CYP7B1: variants seen among roughly 807,000 people sequenced by gnomAD.
The protein encoded by CYP7B1 is cytochrome P450 7B1.
A neutral mutation model predicts 42.7 loss-of-function variants in CYP7B1; 29 were observed. The ratio of observed to expected loss-of-function variants is 0.68; its 90% CI spans 0.51 to 0.93. The LOEUF (loss-of-function observed/expected upper bound fraction) is 0.93. CYP7B1 is among the 40% of genes least tolerant of loss of function. The pLI is 0.00. For synonymous variants in CYP7B1, 235 were observed against 218.2 expected (o/e 1.08, Z -0.68); for missense variants, 655 against 600.5 (o/e 1.09, Z -0.95).
chr8:64,609,097 T>C (rs1170125756), intron 4 of CYP7B1, among the ~76,000 whole-genome samples: 1 of 152,180 alleles, frequency 6.6e-6, no homozygotes, highest in African/African-American at 2.4e-5. Context: ...GGAAAATACA[T>C]ATAAACAGGA....
In CYP7B1 at chr8:64,593,594, C is replaced by G. The variant is rs1432939498; in HGVS notation, c.*3048G>C. Among the ~76,000 whole-genome samples the G allele has an allele frequency of 6.6e-6, 1 of 152,084 alleles. No homozygotes were observed. Among genetic ancestry groups the G allele is most frequent in the Non-Finnish European group, 1.5e-5 (1 of 68,020 alleles). The stretch of plus-strand genomic sequence containing the variant: ...TGAGTTTGGTAGTAGTATCAGCAGT[C>G]TGAAAAATGCAAATACAAATTCTCT... On this transcript the variant is annotated 3_prime_UTR_variant, in exon 6 of 6. Coordinates refer to ENST00000310193, the MANE Select transcript of CYP7B1 (RefSeq NM_004820.5).
rs542099693 is a variant in CYP7B1, at chr8:64,593,185, G to A, written c.*3457C>T. Among the ~76,000 whole-genome samples the A allele has an allele frequency of 1.3e-5, 2 of 151,492 alleles. No individual in the cohort carries two copies. Among genetic ancestry groups the A allele is most frequent in the South Asian group, 2.1e-4 (1 of 4,790 alleles). On this transcript the variant is annotated 3_prime_UTR_variant, in exon 6 of 6. Transcript: ENST00000310193. The stretch of plus-strand genomic sequence containing the variant: ...CATGGCGAACTAGACGTCCAAGTAC[G>A]AAAAGGACAGAGTATGCTTTGTGGT...
intron 2 of CYP7B1, among the ~76,000 whole-genome samples, chr8:64,619,276 G>C (rs1162295044): frequency 1.3e-5 from 2 of 152,120 alleles, no homozygotes; most frequent in African/African-American, 2.4e-5. Flanking sequence ...TCTGAAGGCC[G>C]TGTATTCTTG....
intron 1 of CYP7B1, among the ~76,000 whole-genome samples, chr8:64,754,168 G>T (rs1450144675): frequency 6.6e-6 from 1 of 152,198 alleles, no homozygotes; most frequent in Non-Finnish European, 1.5e-5. Context: ...CTTCTGTGTG[G>T]GCCCTGTGGC....
At chr8:64,727,016 T>G (rs1243037892) in intron 1 of CYP7B1, among the ~76,000 whole-genome samples, 2 of 152,290 alleles carry the variant, frequency 1.3e-5, no homozygotes, top group South Asian at 2.1e-4. Flanking sequence ...AGCATGAACC[T>G]GCAACACAAA....
chr8:64,604,604 G>A, intron 5 of CYP7B1, 78 bp downstream of exon 5: 2 of 1,560,374 alleles, frequency 1.3e-6, no homozygotes, highest in African/African-American at 1.4e-5. Context: ...AAAGTGGCAA[G>A]AGGAAGAGAT....
At chr8:64,621,450 GT>G (rs1157945876) in intron 2 of CYP7B1, among the ~76,000 whole-genome samples, 2 of 152,182 alleles carry the variant, frequency 1.3e-5, no homozygotes, top group African/African-American at 4.8e-5. Context: ...CAAAAGTTGA[GT>G]CCATGTCAGT....
At chr8:64,777,167 C>T (rs1359304146) in intron 1 of CYP7B1, among the ~76,000 whole-genome samples, 1 of 117,594 alleles carries the variant, frequency 8.5e-6, no homozygotes, top group East Asian at 2.3e-4. Context: ...CAGGTAGGGT[C>T]ATTTTGTAAA....
chr8:64,790,798 TCA>T (rs1297435825), intron 1 of CYP7B1, among the ~76,000 whole-genome samples: 1 of 152,162 alleles, frequency 6.6e-6, no homozygotes, highest in Non-Finnish European at 1.5e-5. Context: ...CCCTCAAAAC[TCA>T]TATGTTGAAA....
intron 1 of CYP7B1, among the ~76,000 whole-genome samples, chr8:64,685,957 C>T (rs1585855066): frequency 3.0e-5 from 1 of 33,442 alleles, no homozygotes; most frequent in East Asian, 5.3e-4. Context: ...CCAGCCGCCC[C>T]TTCCGGGAGG....
At chr8:64,733,899 G>A (rs1807449512) in intron 1 of CYP7B1, among the ~76,000 whole-genome samples, 1 of 152,128 alleles carries the variant, frequency 6.6e-6, no homozygotes, top group South Asian at 2.1e-4. Flanking sequence ...GAGCCCAGGA[G>A]TTTGAGGCTG....
chr8:64,607,949 G>C (rs893292436), intron 4 of CYP7B1, among the ~76,000 whole-genome samples: 19 of 152,320 alleles, frequency 1.2e-4, no homozygotes, highest in Middle Eastern at 6.8e-3. Context: ...AACTGCAACT[G>C]TGATTAAGAT....
intron 1 of CYP7B1, among the ~76,000 whole-genome samples, chr8:64,666,829 GC>G (rs1353024436): frequency 1.3e-5 from 2 of 152,148 alleles, no homozygotes; most frequent in Non-Finnish European, 2.9e-5. Flanking sequence ...AACAAATGCT[GC>G]TGGCTATTTA....
chr8:64,730,082 G>C (rs1461453835), intron 1 of CYP7B1, among the ~76,000 whole-genome samples: 2 of 151,934 alleles, frequency 1.3e-5, no homozygotes, highest in Admixed American at 1.3e-4. Flanking sequence ...GATTGATTGA[G>C]ACAGAGTCTC....
chr8:64,734,356 T>C (rs1016983343), intron 1 of CYP7B1: 1 of 152,202 alleles, frequency 6.6e-6, no homozygotes, highest in Non-Finnish European at 1.5e-5. Context: ...TTCTAGAAGC[T>C]GGAAAGTCCA....
intron 1 of CYP7B1, among the ~76,000 whole-genome samples, chr8:64,677,335 GT>G (rs1399295556): frequency 1.4e-5 from 2 of 147,906 alleles, no homozygotes; most frequent in Non-Finnish European, 3.0e-5. Flanking sequence ...TGGAATAGAA[GT>G]TGTCATAGAG....
intron 1 of CYP7B1, among the ~76,000 whole-genome samples, chr8:64,651,220 T>C (rs1806033323): frequency 6.6e-6 from 1 of 152,190 alleles, no homozygotes; most frequent in African/African-American, 2.4e-5. Flanking sequence ...AGTCTTCTAT[T>C]ATGCAGGGTA....
intron 1 of CYP7B1, among the ~76,000 whole-genome samples, chr8:64,679,599 T>A (rs1318119902): frequency 6.6e-6 from 1 of 152,220 alleles, no homozygotes; most frequent in African/African-American, 2.4e-5. Context: ...AAAAGTTTTA[T>A]GTGAAAGGGA....
intron 4 of CYP7B1, among the ~76,000 whole-genome samples, chr8:64,609,038 C>A (rs1805327289): frequency 6.6e-6 from 1 of 152,152 alleles, no homozygotes; most frequent in African/African-American, 2.4e-5. Flanking sequence ...AGGAACACAG[C>A]ACATGGACTT....
Sources: gnomAD v4.1 joint callset for allele counts (sites outside exome capture counted in the v4.1 genomes callset) on GRCh38, gnomAD v4.1.1 for gene constraint, MANE v1.5 for transcripts, NCBI Gene and HGNC (gene_info 2026-07-23, HGNC 2026-07-21) for gene names.